The following SPTBN1 variants were observed in gnomAD, a reference collection of about 807,000 sequenced individuals.
SPTBN1 encodes the protein spectrin beta, non-erythrocytic 1.
A neutral mutation model predicts 266.4 loss-of-function variants in SPTBN1; 32 were observed. The ratio of observed to expected loss-of-function variants is 0.12; its 90% CI spans 0.09 to 0.16. SPTBN1 has a LOEUF of 0.16. Ranked by LOEUF, SPTBN1 falls within the 10% of genes least tolerant of loss-of-function variation. The probability of loss-of-function intolerance (pLI) is 1.00; values close to 1 mark genes in which losing one functional copy is unlikely to be tolerated. For synonymous variants in SPTBN1, 1,336 were observed against 1,162.2 expected, an observed-to-expected ratio of 1.15 and a Z score of -3.04; for missense variants, 2,296 against 3,067.1, an observed-to-expected ratio of 0.75 and a Z score of 5.94.
chr2:54,586,614 A>G (rs1205607510), intron 2 of SPTBN1, among the ~76,000 whole-genome samples: 2 of 152,200 alleles, frequency 1.3e-5, no homozygotes, highest in Non-Finnish European at 2.9e-5. Flanking sequence ...AGTCAGTGCT[A>G]TACTGTGCAT....
intron 1 of SPTBN1, among the ~76,000 whole-genome samples, chr2:54,457,606 G>A (rs1693126571): frequency 6.6e-6 from 1 of 152,154 alleles, no homozygotes; most frequent in African/African-American, 2.4e-5. Context: ...CGGTGCCCTC[G>A]CCGTGATGCA....
chr2:54,565,102 A>G (rs1302858513), intron 2 of SPTBN1, among the ~76,000 whole-genome samples: 1 of 152,178 alleles, frequency 6.6e-6, no homozygotes, highest in East Asian at 1.9e-4. Context: ...CTACTGAATA[A>G]GAAATTCTAG....
chr2:54,538,802 G>A (rs73934326), intron 2 of SPTBN1, among the ~76,000 whole-genome samples: 5,708 of 152,238 alleles, frequency 0.037, 305 homozygotes, highest in African/African-American at 0.12. Flanking sequence ...ATGTGAAGTC[G>A]CCTTATTAGT....
chr2:54,575,741 G>T (rs1558859116), intron 2 of SPTBN1, among the ~76,000 whole-genome samples: 1 of 152,202 alleles, frequency 6.6e-6, no homozygotes, highest in African/African-American at 2.4e-5. Context: ...GTGACTCAGT[G>T]GCGTGAAGGC....
Position 54,526,571 on chromosome 2 carries a change from G to A in SPTBN1, c.148+5G>A. The A allele has an allele frequency of 6.2e-7, 1 of 1,612,932 alleles. No homozygotes were observed. The highest frequency in any genetic ancestry group is 8.5e-7 in the Non-Finnish European group (1 of 1,179,324). ...CCCGCATCAAGGCTCTGGCAGGTGA[G>A]TCCTTCACACCTGTCACAGAGGCCC... On this transcript the variant is annotated splice_donor_5th_base_variant and intron_variant, in intron 2 of 35. Transcript: ENST00000356805.
rs1680611869 is a variant in SPTBN1 at position 54,655,780 on chromosome 2, T to C, written c.5962-134T>C. The C allele has an allele frequency of 1.3e-5, 8 of 619,288 alleles. No individual in the cohort carries two copies. The East Asian group carries it at 2.6e-4, about 20-fold the overall frequency. The allele number at this position is 619,288 out of a possible 1,614,324, so 38.4% of individuals were successfully genotyped here. On this transcript the variant is annotated intron_variant, in intron 28 of 35. Coordinates refer to ENST00000356805, the MANE Select transcript of SPTBN1 (RefSeq NM_003128.3). ...TTCCTCTCCCAGTCCTCAGACAGAC[T>C]GAGCAGTCCTTAGATATCTCCCAGC...
At chr2:54,557,408 G>A (rs1226253375) in intron 2 of SPTBN1, among the ~76,000 whole-genome samples, 1 of 149,818 alleles carries the variant, frequency 6.7e-6, no homozygotes, top group Non-Finnish European at 1.5e-5. Flanking sequence ...GGACAGGAGG[G>A]TGGAGAGAGA....
At position 54,624,891 on chromosome 2, in the gene SPTBN1, G is replaced by A. The variant is rs1260807866; in HGVS notation, c.1270G>A (p.Ala424Thr). The A allele has an allele frequency of 3.7e-6, 6 of 1,614,076 alleles. No individual in the cohort carries two copies. Among genetic ancestry groups the A allele is most frequent in the African/African-American group, 1.3e-5 (1 of 75,036 alleles). Residue 424 changes from alanine to threonine, a missense_variant, in exon 11 of 36, where the codon GCC becomes ACC. By Grantham distance (58) the Ala-to-Thr change is moderately conservative. Coordinates refer to ENST00000356805, the MANE Select transcript of SPTBN1 (RefSeq NM_003128.3). ...LIRQEKLEQLARRFDRKAAMR... is the reference protein window; with the variant it reads ...LIRQEKLEQLTRRFDRKAAMR... Reference sequence around the variant, plus strand: ...AAGACAGGAGAAACTGGAACAGCTCGCCCGCAGATTTGATCGCAAGGCAGC... The same window carrying A: ...AAGACAGGAGAAACTGGAACAGCTCACCCGCAGATTTGATCGCAAGGCAGC...
chr2:54,659,043 T>C (rs1280063367), intron 30 of SPTBN1, 111 bp from the exon 31 acceptor site: 5 of 1,050,272 alleles, frequency 4.8e-6, no homozygotes, highest in Non-Finnish European at 5.8e-6. Context: ...TCTTGTCCAG[T>C]GTGGTCCAGT....
rs1681657370 is a variant in SPTBN1 at position 54,670,752 on chromosome 2, C to A, written c.*2183C>A. ...CACATAATTTCAACAGTTCGCAGAT[C>A]TGTAGTTATGAAGCCAGGGTTTGGT... On this transcript the variant is annotated 3_prime_UTR_variant, in exon 36 of 36. Transcript: ENST00000356805. 5.0e-6 allele frequency: 2 copies of A among 398,410 alleles called. No homozygotes were observed. Among genetic ancestry groups the A allele is most frequent in the Admixed American group, 4.4e-5 (1 of 22,698 alleles). The allele number at this position is 398,410 out of a possible 1,614,324, so 24.7% of individuals were successfully genotyped here.
At chr2:54,524,091 C>G (rs1410408372) in intron 1 of SPTBN1, among the ~76,000 whole-genome samples, 1 of 151,950 alleles carries the variant, frequency 6.6e-6, no homozygotes, top group African/African-American at 2.4e-5. Flanking sequence ...CCCAGCTACT[C>G]GGGAGGCTGA....
In SPTBN1 at chr2:54,626,325, G is replaced by A. The variant is rs372849214; in HGVS notation, c.1644+91G>A. ...ATTCACTAAACCCCTACGTACAGCTGTGTGCCTTGTCTAACTGCCCACATG... is the reference window on the plus strand; with the variant it reads ...ATTCACTAAACCCCTACGTACAGCTATGTGCCTTGTCTAACTGCCCACATG... On this transcript the variant is annotated intron_variant, in intron 12 of 35. Transcript: ENST00000356805. This position sits in a 1 kb window ranked among gnomAD's most constrained non-coding sequence, Gnocchi z 4.7. The A allele has an allele frequency of 5.2e-5, 75 of 1,442,948 alleles. No individual in the cohort carries two copies. The African/African-American group carries it at 9.1e-4, about 18-fold the overall frequency. 89.4% of individuals were successfully genotyped at this position (1,442,948 alleles called of 1,614,324 possible).
chr2:54,547,581 G>A (rs1015449695), intron 2 of SPTBN1, among the ~76,000 whole-genome samples: 2 of 152,272 alleles, frequency 1.3e-5, no homozygotes, highest in South Asian at 2.1e-4. Context: ...TACCAACAGC[G>A]TACAAGGGTT....
chr2:54,513,605 A>G (rs1158356056), intron 1 of SPTBN1, among the ~76,000 whole-genome samples: 2 of 152,212 alleles, frequency 1.3e-5, no homozygotes, highest in Non-Finnish European at 2.9e-5. Flanking sequence ...AAGTAAATGT[A>G]AGACCAAATT....
intron 1 of SPTBN1, among the ~76,000 whole-genome samples, chr2:54,511,682 G>A (rs1425296782): frequency 2.0e-5 from 3 of 152,022 alleles, no homozygotes; most frequent in Non-Finnish European, 4.4e-5. Context: ...TGACCAACAT[G>A]GTGAAACCCA....
At chr2:54,504,316 G>GT (rs1339060090) in intron 1 of SPTBN1, among the ~76,000 whole-genome samples, 1 of 152,132 alleles carries the variant, frequency 6.6e-6, no homozygotes, top group South Asian at 2.1e-4. Flanking sequence ...TATTTAGCTA[G>GT]TAGGAATATT....
chr2:54,483,107 C>T (rs376866942), intron 1 of SPTBN1, among the ~76,000 whole-genome samples: 41 of 152,232 alleles, frequency 2.7e-4, no homozygotes, highest in African/African-American at 8.2e-4. Context: ...GGAAGGGAAC[C>T]GAAGCCTGAG....
chr2:54,502,512 C>G (rs184336361), intron 1 of SPTBN1, among the ~76,000 whole-genome samples: 1 of 152,306 alleles, frequency 6.6e-6, no homozygotes, highest in East Asian at 1.9e-4. Context: ...TAAATATTCA[C>G]TTCAGAGAAT....
At chr2:54,475,827 G>A (rs1045897778) in intron 1 of SPTBN1, among the ~76,000 whole-genome samples, 9 of 152,138 alleles carry the variant, frequency 5.9e-5, no homozygotes, top group Non-Finnish European at 1.0e-4. Flanking sequence ...GTTTTCTTGT[G>A]TCAAAGGCCT....
Sources: allele counts gnomAD v4.1 joint callset (sites outside exome capture counted in the v4.1 genomes callset), GRCh38; gene constraint gnomAD v4.1.1; non-coding constraint Gnocchi (gnomAD v3.1); transcripts MANE v1.5; gene names NCBI Gene and HGNC (gene_info 2026-07-23, HGNC 2026-07-21).